Variants in ANGPTL5 observed in about 807,000 individuals in gnomAD.
ANGPTL5 encodes angiopoietin-related protein 5.
A neutral mutation model predicts 39.4 loss-of-function variants in ANGPTL5; 34 were observed. That is an observed-to-expected ratio of 0.86 (90% CI 0.66 to 1.15). ANGPTL5 has a LOEUF of 1.15. Among genes scored for constraint, ANGPTL5 ranks in the 50% most tolerant of loss-of-function variants. The probability of loss-of-function intolerance (pLI) is 0.00; values close to 1 mark genes in which losing one functional copy is unlikely to be tolerated. For synonymous variants in ANGPTL5, 146 were observed against 152.1 expected, an observed-to-expected ratio of 0.96 and a Z score of 0.29; for missense variants, 467 against 457.5, an observed-to-expected ratio of 1.02 and a Z score of -0.19.
chr11:101,911,392 G>A (rs1940090576), intron 1 of ANGPTL5, among the ~76,000 whole-genome samples: 1 of 152,064 alleles, frequency 6.6e-6, no homozygotes, highest in Non-Finnish European at 1.5e-5. Flanking sequence ...CCAAAGTGCT[G>A]GGATTACAGG....
chr11:101,915,109 A>G, intron 1 of ANGPTL5: 1 of 930,750 alleles, frequency 1.1e-6, no homozygotes, highest in South Asian at 2.2e-5. Flanking sequence ...CATCGCCGCT[A>G]CAGGCACCAG....
At chr11:101,904,341 T>C (rs1010934046) in intron 5 of ANGPTL5, among the ~76,000 whole-genome samples, 1 of 152,184 alleles carries the variant, frequency 6.6e-6, no homozygotes, top group Non-Finnish European at 1.5e-5. Flanking sequence ...CTCTAGGAAT[T>C]AATATGCTGT....
intron 7 of ANGPTL5, among the ~76,000 whole-genome samples, chr11:101,898,472 T>C (rs1939837610): frequency 6.6e-6 from 1 of 152,158 alleles, no homozygotes; most frequent in East Asian, 1.9e-4. Context: ...TAGGAATTCT[T>C]ATGATTTTTA....
intron 1 of ANGPTL5, among the ~76,000 whole-genome samples, chr11:101,913,779 G>C (rs1192031766): frequency 2.0e-5 from 3 of 152,148 alleles, no homozygotes; most frequent in African/African-American, 7.2e-5. Context: ...ACTTTGCACT[G>C]CCCTACTTTA....
intron 2 of ANGPTL5, among the ~76,000 whole-genome samples, chr11:101,907,502 C>T (rs1325678895): frequency 6.6e-6 from 1 of 151,968 alleles, no homozygotes; most frequent in Non-Finnish European, 1.5e-5. Flanking sequence ...GTTTGTGGAA[C>T]AGCTTTTTTT....
intron 7 of ANGPTL5, among the ~76,000 whole-genome samples, chr11:101,897,871 G>C (rs143141031): frequency 0.015 from 2,346 of 152,178 alleles, 54 homozygotes; most frequent in African/African-American, 0.054. Context: ...ATTTAAAGTA[G>C]TTTTTTCTAA....
rs557348562 is a variant in ANGPTL5 at position 101,902,509 on chromosome 11, T to A, written c.540+112A>T. 1.7e-5 allele frequency: 16 copies of A among 952,318 alleles called. No homozygotes were observed. In the East Asian group the frequency reaches 4.1e-4, roughly 25 times the overall value. 59.0% of individuals were successfully genotyped at this position (952,318 alleles called of 1,614,324 possible). ...GAACTTTACCTAATTTATTTAAAAT[T>A]TTTTGAGGAAAAATTAAATATTAAA... On this transcript the variant is annotated intron_variant, in intron 6 of 8. Transcript: ENST00000334289.
intron 6 of ANGPTL5, 31 bp from the exon 7 acceptor site, chr11:101,900,581 T>A (rs1398501977): frequency 1.9e-6 from 3 of 1,599,410 alleles, no homozygotes; most frequent in Non-Finnish European, 2.6e-6. Flanking sequence ...ACCAAAATAA[T>A]ACACTATTAT....
At chr11:101,905,034 T>C in intron 4 of ANGPTL5, 127 bp from the exon 5 acceptor site, 1 of 710,792 alleles carries the variant, frequency 1.4e-6, no homozygotes, top group Non-Finnish European at 2.4e-6. Flanking sequence ...CTTACTGCTT[T>C]AACAAAGAAT....
intron 7 of ANGPTL5, among the ~76,000 whole-genome samples, chr11:101,897,726 G>T (rs1939825043): frequency 6.6e-6 from 1 of 152,006 alleles, no homozygotes; most frequent in South Asian, 2.1e-4. Flanking sequence ...ATCTGTTTTG[G>T]TACCAGTATC....
chr11:101,907,103 T>G lies in ANGPTL5; in HGVS notation c.241A>C (p.Arg81=), dbSNP rs1050800460. Residue 81 remains arginine (R), a splice_region_variant and synonymous_variant, in exon 3 of 9, where the codon AGA becomes CGA. Coordinates refer to ENST00000334289, the MANE Select transcript of ANGPTL5 (RefSeq NM_178127.5). ...ITREEKHFMC[R]NLQNSIVSYT... ...TATTTTGTTTATTTTTAATACTTAC[T>G]ACACATGAAATGTTTTTCTTCTCGT... The G allele has an allele frequency of 2.9e-5, 45 of 1,562,904 alleles. No homozygotes were observed. The highest frequency in any genetic ancestry group is 3.9e-5 in the Non-Finnish European group (44 of 1,139,158).
intron 6 of ANGPTL5, among the ~76,000 whole-genome samples, 176 bp from the exon 7 acceptor site, chr11:101,900,726 CTGTT>C (rs1939880475): frequency 6.6e-6 from 1 of 152,102 alleles, no homozygotes; most frequent in Non-Finnish European, 1.5e-5. Context: ...AGAAATAATA[CTGTT>C]TATTATAAAG....
At chr11:101,900,858 C>G (rs1437593617) in intron 6 of ANGPTL5, among the ~76,000 whole-genome samples, 1 of 151,290 alleles carries the variant, frequency 6.6e-6, no homozygotes, top group African/African-American at 2.4e-5. Context: ...TTTTTTTCCC[C>G]CCTTTTTTTT....
At chr11:101,905,903 C>T (rs1305914764) in intron 3 of ANGPTL5, 56 bp from the exon 4 acceptor site, 6 of 1,024,116 alleles carry the variant, frequency 5.9e-6, no homozygotes, top group Non-Finnish European at 7.5e-6. Context: ...AAAACAATTA[C>T]AGTGAAAAAT....
rs1307214755 is a variant in ANGPTL5 at position 101,900,513 on chromosome 11, G to C, written c.578C>G (p.Thr193Ser). The C allele has an allele frequency of 1.2e-6, 2 of 1,612,272 alleles. No individual in the cohort carries two copies. The highest frequency in any genetic ancestry group is 1.1e-5 in the South Asian group (1 of 91,056). ...CDMDYRGGGR[T>S]VIQKRIDGII... ...CCCATCAATTCTTTTCTGTATCACA[G>C]TCCGTCCACCTCCTCTGTAATCCAT... Residue 193 changes from threonine (T) to serine (S), a missense_variant, in exon 7 of 9, where the codon ACT becomes AGT. Thr to Ser is a moderately conservative substitution (Grantham distance 58). Coordinates refer to ENST00000334289, the MANE Select transcript of ANGPTL5 (RefSeq NM_178127.5).
chr11:101,910,638 C>T (rs975230598), intron 1 of ANGPTL5, among the ~76,000 whole-genome samples: 19 of 152,010 alleles, frequency 1.2e-4, no homozygotes, highest in African/African-American at 4.6e-4. Context: ...TCTTTCCCAT[C>T]TTAGTAATGG....
chr11:101,892,153 C>T (rs1444757911), intron 8 of ANGPTL5, among the ~76,000 whole-genome samples: 1 of 152,126 alleles, frequency 6.6e-6, no homozygotes, highest in Non-Finnish European at 1.5e-5. Flanking sequence ...CGGCTCTTCA[C>T]ATGATTTATG....
Position 101,890,988 on chromosome 11 carries a change from G to T in ANGPTL5, c.*291C>A. On this transcript the variant is annotated 3_prime_UTR_variant, in exon 9 of 9. Transcript: ENST00000334289. ...TGGTTTAAAAATGCTTCAAAGAAAAGGCAAAATCCTTTAAAATCACTATAA... is the reference window on the plus strand; with the variant it reads ...TGGTTTAAAAATGCTTCAAAGAAAATGCAAAATCCTTTAAAATCACTATAA... 1 of 227,526 alleles carries T rather than the reference G, an allele frequency of 4.4e-6. No individual in the cohort carries two copies. The highest frequency in any genetic ancestry group is 8.6e-6 in the Non-Finnish European group (1 of 115,816). The allele number at this position is 227,526 out of a possible 1,614,324, so 14.1% of individuals were successfully genotyped here.
At chr11:101,894,604 C>T (rs1337815815) in intron 8 of ANGPTL5, among the ~76,000 whole-genome samples, 1 of 152,202 alleles carries the variant, frequency 6.6e-6, no homozygotes, top group African/African-American at 2.4e-5. Flanking sequence ...AATGCCTTCA[C>T]AGCCTACTCC....
Sources: allele counts gnomAD v4.1 joint callset (sites outside exome capture counted in the v4.1 genomes callset), GRCh38; gene constraint gnomAD v4.1.1; transcripts MANE v1.5; gene names NCBI Gene and HGNC (gene_info 2026-07-23, HGNC 2026-07-21).